Variants in AMZ1 observed in about 807,000 individuals in gnomAD.
AMZ1 encodes the protein archaelysin family metallopeptidase 1.
In AMZ1, 39 loss-of-function variants were observed where a neutral mutation model predicts 29.9. The ratio of observed to expected loss-of-function variants is 1.30; its 90% CI spans 1.01 to 1.70. AMZ1 has a LOEUF of 1.70. Ranked by LOEUF, AMZ1 falls within the 40% of genes most tolerant of loss-of-function variation. AMZ1 has a pLI of 0.00. For missense variants in AMZ1, 1,041 were observed against 680.6 expected, an observed-to-expected ratio of 1.53 and a Z score of -5.89; for synonymous variants, 458 against 304.0, an observed-to-expected ratio of 1.51 and a Z score of -5.27.
chr7:2,764,422 G>A (rs969325101), upstream of AMZ1, among the ~76,000 whole-genome samples: 4 of 152,032 alleles, frequency 2.6e-5, no homozygotes, highest in African/African-American at 9.7e-5. Context: ...ATCTGATATT[G>A]CTGACCAGAG....
rs868604128 is a variant in AMZ1 at position 2,746,111 on chromosome 7, C to T, written n.551-18601C>T. 1.3e-3 allele frequency among the ~76,000 whole-genome samples: 192 copies of T among 152,216 alleles called. 1 individual carries two copies. Among genetic ancestry groups the T allele is most frequent in the African/African-American group, 3.7e-3 (154 of 41,516 alleles). Reference sequence around the variant, plus strand: ...CCACTGTCAACATTAGACAGATCAACGAGACAGAAAGTTAACAAGGATACC... The same window carrying T: ...CCACTGTCAACATTAGACAGATCAATGAGACAGAAAGTTAACAAGGATACC... On this transcript the variant is annotated intron_variant and non_coding_transcript_variant, in intron 4 of 4. Transcript: ENST00000489665.
At chr7:2,726,618 C>T (rs538537710) in intron 4 of AMZ1, among the ~76,000 whole-genome samples, 20 of 152,312 alleles carry the variant, frequency 1.3e-4, no homozygotes, top group Admixed American at 4.6e-4. Context: ...GTTTTTCTGG[C>T]GCACTCTCTG....
downstream of AMZ1, among the ~76,000 whole-genome samples, chr7:2,724,269 G>T (rs1332205956): frequency 2.0e-5 from 3 of 152,246 alleles, no homozygotes; most frequent in African/African-American, 2.4e-5. Context: ...GCCAGCTGGG[G>T]CTCACCAGCG....
chr7:2,710,988 C>T (rs1788738272), intron 6 of AMZ1, among the ~76,000 whole-genome samples: 1 of 152,248 alleles, frequency 6.6e-6, no homozygotes, highest in African/African-American at 2.4e-5. Context: ...TTGATGCCTT[C>T]ACCTGGGGTC....
intron 4 of AMZ1, among the ~76,000 whole-genome samples, chr7:2,734,819 G>C (rs953173101): frequency 2.0e-5 from 3 of 152,134 alleles, no homozygotes; most frequent in African/African-American, 7.2e-5. Context: ...GACGGGGCGA[G>C]CACGTGCACC....
At chr7:2,751,199 C>A (rs1034318130) in intron 4 of AMZ1, among the ~76,000 whole-genome samples, 1 of 151,908 alleles carries the variant, frequency 6.6e-6, no homozygotes, top group South Asian at 2.1e-4. Flanking sequence ...ACCTGGGCAA[C>A]ATGGTAAAAC....
intron 4 of AMZ1, among the ~76,000 whole-genome samples, chr7:2,749,524 G>T (rs1486846279): frequency 6.6e-6 from 1 of 150,438 alleles, no homozygotes; most frequent in East Asian, 2.0e-4. Flanking sequence ...GGTAGGGGGA[G>T]GGGGGAGGGA....
exon 1 of AMZ1, chr7:2,764,874 C>T (rs1791740520): frequency 6.6e-6 from 1 of 152,224 alleles, no homozygotes; most frequent in Admixed American, 6.5e-5. Context: ...ATGAGGTCCT[C>T]AGAGGCTTAA....
chr7:2,697,896 C>G (rs1787834914), intron 1 of AMZ1, among the ~76,000 whole-genome samples: 1 of 152,048 alleles, frequency 6.6e-6, no homozygotes, highest in African/African-American at 2.4e-5. Flanking sequence ...AATTCAGTAC[C>G]AGCCCCTCCC....
intron 3 of AMZ1, among the ~76,000 whole-genome samples, chr7:2,707,083 A>T (rs1478092622): frequency 1.3e-5 from 2 of 152,110 alleles, no homozygotes; most frequent in African/African-American, 4.8e-5. Flanking sequence ...GACCAGCTTG[A>T]CTAACATGGT....
At chr7:2,708,479 A>AG in intron 3 of AMZ1, 109 bp from the exon 4 acceptor site, 1 of 1,511,648 alleles carries the variant, frequency 6.6e-7, no homozygotes, top group Non-Finnish European at 8.9e-7. Flanking sequence ...TGACTTGGGA[A>AG]GGGGCAGGGC....
chr7:2,709,011 G>C (rs1788559132), intron 4 of AMZ1, 64 bp from the exon 5 acceptor site: 1 of 1,501,490 alleles, frequency 6.7e-7, no homozygotes. Flanking sequence ...AGGTGGGTTT[G>C]ACGGTGGGCC....
At chr7:2,758,796 T>C (rs1244967993) in intron 4 of AMZ1, among the ~76,000 whole-genome samples, 2 of 152,204 alleles carry the variant, frequency 1.3e-5, no homozygotes, top group African/African-American at 2.4e-5. Flanking sequence ...TTTACTCATC[T>C]AATAGAACAC....
intron 6 of AMZ1, among the ~76,000 whole-genome samples, chr7:2,710,309 G>A (rs889769750): frequency 2.0e-5 from 3 of 152,190 alleles, no homozygotes; most frequent in South Asian, 2.1e-4. Context: ...CAAAGGGCTC[G>A]TCCGTATTCA....
intron 4 of AMZ1, among the ~76,000 whole-genome samples, chr7:2,741,166 G>GT (rs1393528343): frequency 6.6e-6 from 1 of 152,234 alleles, no homozygotes; most frequent in African/African-American, 2.4e-5. Flanking sequence ...TTTACAGTAT[G>GT]TTTTAAGGTA....
rs763870340 is a variant in AMZ1 at position 2,707,289 on chromosome 7, CAAAAAA to C, written c.473-1297_473-1292del. On this transcript the variant is annotated intron_variant, in intron 3 of 6. Coordinates refer to ENST00000683327, the MANE Select transcript of AMZ1 (RefSeq NM_001384743.1). The stretch of plus-strand genomic sequence containing the variant: ...AACACTCCATCTCAAAAAAAAAAAA[CAAAAAA>C]ACACACACACACAGAACAACCTCCT... Among the ~76,000 whole-genome samples, 1,355 of 146,030 alleles carry C rather than the reference CAAAAAA, an allele frequency of 9.3e-3. 6 individuals carry two copies. Among genetic ancestry groups the C allele is most frequent in the Middle Eastern group, 0.024 (7 of 286 alleles).
At position 2,709,859 on chromosome 7, in the gene AMZ1, TC is replaced by T. The variant is rs777000954; in HGVS notation, c.948+45del. The T allele has an allele frequency of 7.9e-5, 127 of 1,599,938 alleles. No individual in the cohort carries two copies. The East Asian group carries it at 2.7e-3, about 33-fold the overall frequency. ...GCTGCCCGGCTGCTGGGACCTGCGC[TC>T]CGGAGGCCCGCGAGCGCCGCCTGGA... On this transcript the variant is annotated intron_variant, in intron 6 of 6. Coordinates refer to ENST00000683327, the MANE Select transcript of AMZ1 (RefSeq NM_001384743.1).
intron 4 of AMZ1, among the ~76,000 whole-genome samples, chr7:2,759,211 G>T (rs1791445910): frequency 6.6e-6 from 1 of 151,876 alleles, no homozygotes; most frequent in East Asian, 1.9e-4. Context: ...AAAACCCCAT[G>T]ATGGATCTCA....
At chr7:2,724,011 A>G (rs941391165), downstream of AMZ1, among the ~76,000 whole-genome samples, 3 of 148,460 alleles carry the variant, frequency 2.0e-5, no homozygotes, top group Admixed American at 2.0e-4. Context: ...GGTTCAGGCA[A>G]TTCTCTGCCT....
Sources: allele counts gnomAD v4.1 joint callset (sites outside exome capture counted in the v4.1 genomes callset), GRCh38; gene constraint gnomAD v4.1.1; transcripts MANE v1.5; gene names NCBI Gene and HGNC (gene_info 2026-07-23, HGNC 2026-07-21).